The following AKAP13 variants were observed in gnomAD, a reference collection of about 807,000 sequenced individuals.
The protein encoded by AKAP13 is A-kinase anchoring protein 13, also known as A-kinase anchor protein 13.
In AKAP13, 80 loss-of-function variants were observed where a neutral mutation model predicts 264.5. The observed-to-expected ratio is 0.30, with a 90% CI of 0.25 to 0.36. The LOEUF is 0.36. AKAP13 is among the 10% of genes least tolerant of loss of function. The pLI, the probability that AKAP13 is intolerant of heterozygous loss-of-function variation, is 1.00. For missense variants in AKAP13, 3,712 were observed against 3,435.2 expected (o/e 1.08, Z -2.01); for synonymous variants, 1,380 against 1,250.2 (o/e 1.10, Z -2.19).
rs552630954 is a variant in AKAP13 at position 85,689,701 on chromosome 15, C to T, written c.5290-3576C>T. ...AGGTAAGATGTGTTCCTTAACTTCC[C>T]GTGTAAAAACTTGGCCTCAAACCTT... On this transcript the variant is annotated intron_variant, in intron 16 of 36. Transcript: ENST00000394518. Among the ~76,000 whole-genome samples the T allele has an allele frequency of 3.9e-5, 6 of 152,298 alleles. No homozygotes were observed. In the South Asian group the frequency reaches 8.3e-4, roughly 21 times the overall value.
intron 1 of AKAP13, among the ~76,000 whole-genome samples, chr15:85,465,802 G>A (rs1254038192): frequency 1.3e-4 from 20 of 150,232 alleles, no homozygotes; most frequent in African/African-American, 3.4e-4. Flanking sequence ...GAATAGTGCC[G>A]CAATAAACAT....
At chr15:85,615,319 T>C (rs2080886519) in intron 8 of AKAP13, among the ~76,000 whole-genome samples, 1 of 152,198 alleles carries the variant, frequency 6.6e-6, no homozygotes, top group Non-Finnish European at 1.5e-5. Flanking sequence ...CTCCTTCTCC[T>C]TTACCCTTTT....
In AKAP13 at chr15:85,444,021, A is replaced by C. The variant is rs543555813; in HGVS notation, c.-11-41689A>C. The stretch of plus-strand genomic sequence containing the variant: ...GAATTCAGGGCCTTTCCCCTGATTG[A>C]CATCTGCTGGCAGGAATTTTTATCC... On this transcript the variant is annotated intron_variant, in intron 1 of 36. Coordinates refer to ENST00000394518, the MANE Select transcript of AKAP13 (RefSeq NM_007200.5). Among the ~76,000 whole-genome samples the C allele has an allele frequency of 9.2e-5, 14 of 152,284 alleles. No individual in the cohort carries two copies. In the South Asian group the frequency reaches 1.9e-3, roughly 20 times the overall value.
chr15:85,644,180 C>T (rs531709735), intron 9 of AKAP13, among the ~76,000 whole-genome samples: 4 of 151,770 alleles, frequency 2.6e-5, no homozygotes, highest in Non-Finnish European at 5.9e-5. Context: ...ACCTGGTTGT[C>T]CAAATAACAC....
At chr15:85,399,696 C>T (rs1171590832) in intron 1 of AKAP13, among the ~76,000 whole-genome samples, 1 of 151,822 alleles carries the variant, frequency 6.6e-6, no homozygotes, top group Non-Finnish European at 1.5e-5. Flanking sequence ...AGGTGCTAAA[C>T]GTTAATCTGA....
intron 16 of AKAP13, among the ~76,000 whole-genome samples, chr15:85,692,872 C>T (rs942443805): frequency 6.6e-6 from 1 of 152,124 alleles, no homozygotes; most frequent in Non-Finnish European, 1.5e-5. Flanking sequence ...GAATTGCTGC[C>T]ACCCTTTTTT....
rs781438370 is a variant in AKAP13 at position 85,580,798 on chromosome 15, A to C, written c.2730A>C (p.Glu910Asp). ...ATLALDSVLT[E>D]EGKLLVVSES... ...TGGCTTTAGATTCAGTTTTGACTGA[A>C]GAAGGAAAACTTCTGGTGGTTTCAG... is the stretch of plus-strand genomic sequence containing the variant. The change falls in exon 7 of 37, where the codon GAA becomes GAC. Residue 910 changes from glutamate (E) to aspartate (D), a missense_variant. Glu to Asp is a conservative substitution (Grantham distance 45). Transcript: ENST00000394518. 2.5e-6 allele frequency: 4 copies of C among 1,614,132 alleles called. No individual in the cohort carries two copies. Among genetic ancestry groups the C allele is most frequent in the Non-Finnish European group, 3.4e-6 (4 of 1,180,038 alleles).
At position 85,566,490 on chromosome 15, in the gene AKAP13, C is replaced by T. The variant is rs141752499; in HGVS notation, c.663-8641C>T. ...ATGTCATGTATCTTTGTAGCTCTAG[C>T]CTCTAGCATAGTGCCTACCACTTAA... On this transcript the variant is annotated intron_variant, in intron 5 of 36. Coordinates refer to ENST00000394518, the MANE Select transcript of AKAP13 (RefSeq NM_007200.5). Among the ~76,000 whole-genome samples the T allele has an allele frequency of 2.0e-4, 30 of 152,236 alleles. No homozygotes were observed. The East Asian group carries it at 5.2e-3, about 26-fold the overall frequency.
chr15:85,451,027 C>CTGGGTGCTCCTCTGT (rs1820741483), intron 1 of AKAP13, among the ~76,000 whole-genome samples: 1 of 152,170 alleles, frequency 6.6e-6, no homozygotes, highest in African/African-American at 2.4e-5. Flanking sequence ...CTTTATGACT[C>CTGGGTGCTCCTCTGT]TGGGTGCTCC....
chr15:85,586,674 C>G (rs979683193), intron 8 of AKAP13, among the ~76,000 whole-genome samples: 12 of 151,982 alleles, frequency 7.9e-5, no homozygotes, highest in South Asian at 2.1e-4. Flanking sequence ...ACATGTAATC[C>G]CAGCACTTTG....
chr15:85,543,739 C>T, intron 4 of AKAP13, 33 bp from the exon 5 acceptor site: 1 of 1,562,478 alleles, frequency 6.4e-7, no homozygotes, highest in Non-Finnish European at 8.7e-7. Flanking sequence ...TTATATTTTC[C>T]TCACTTACGT....
intron 1 of AKAP13, among the ~76,000 whole-genome samples, chr15:85,472,739 C>T (rs954432218): frequency 6.6e-6 from 1 of 152,130 alleles, no homozygotes; most frequent in African/African-American, 2.4e-5. Flanking sequence ...CCCACTTGAA[C>T]TAAGATAATA....
At chr15:85,388,869 G>C (rs1160584549) in intron 1 of AKAP13, among the ~76,000 whole-genome samples, 1 of 152,154 alleles carries the variant, frequency 6.6e-6, no homozygotes, top group Non-Finnish European at 1.5e-5. Flanking sequence ...CTCCTTGGGG[G>C]TAAAGTTATT....
At position 85,523,925 on chromosome 15, in the gene AKAP13, C is replaced by A. The variant is rs577196204; in HGVS notation, c.181+2350C>A. Among the ~76,000 whole-genome samples, 3 of 151,766 alleles carry A rather than the reference C, an allele frequency of 2.0e-5. No individual in the cohort carries two copies. In the East Asian group the frequency reaches 5.8e-4, roughly 29 times the overall value. ...GTGTACCAGTTAGCTGCATTGATAG[C>A]CTCAGATTTCCTGTTTGCTGAGGGC... is the stretch of plus-strand genomic sequence containing the variant. On this transcript the variant is annotated intron_variant, in intron 3 of 36. Transcript: ENST00000394518.
At chr15:85,631,502 T>TCACACACACA (rs55928032) in intron 8 of AKAP13, among the ~76,000 whole-genome samples, 48 of 141,040 alleles carry the variant, frequency 3.4e-4, no homozygotes, top group East Asian at 1.0e-3. Flanking sequence ...TCTCTCTCTC[T>TCACACACACA]CACACACACA....
In AKAP13 at chr15:85,743,516, A is replaced by C; in HGVS notation, c.8083A>C (p.Met2695Leu). ...GGTTTCCCATCCACATACCAAGCTG[A>C]TGAGGATCCCATCGTTCTTCCCCAG... ...CQVSHPHTKL[M>L]RIPSFFPSPE... Residue 2695 changes from methionine (M) to leucine (L), a missense_variant, in exon 36 of 37, where the codon ATG (methionine) becomes CTG (leucine). By Grantham distance (15) the Met-to-Leu change is conservative. Around this residue, in one of 3 missense-constraint regions of AKAP13, gnomAD observed 611 missense variants for 539.3 expected, o/e 1.13. Coordinates refer to ENST00000394518, the MANE Select transcript of AKAP13 (RefSeq NM_007200.5). The C allele has an allele frequency of 6.2e-7, 1 of 1,614,114 alleles. No individual in the cohort carries two copies. Among genetic ancestry groups the C allele is most frequent in the Non-Finnish European group, 8.5e-7 (1 of 1,179,994 alleles).
chr15:85,573,493 C>T (rs1229270030), intron 5 of AKAP13, among the ~76,000 whole-genome samples: 1 of 151,842 alleles, frequency 6.6e-6, no homozygotes, highest in Admixed American at 6.6e-5. Flanking sequence ...TGCATTGAGC[C>T]AAGATCGCAC....
chr15:85,462,933 A>C (rs1419624556), intron 1 of AKAP13, among the ~76,000 whole-genome samples: 2 of 144,310 alleles, frequency 1.4e-5, no homozygotes, highest in African/African-American at 5.2e-5. Flanking sequence ...CTGAGGCAGG[A>C]GAATGGCGTG....
intron 2 of AKAP13, among the ~76,000 whole-genome samples, chr15:85,501,084 G>A (rs2076026087): frequency 6.6e-6 from 1 of 152,004 alleles, no homozygotes; most frequent in African/African-American, 2.4e-5. Flanking sequence ...GAAGGCCAGG[G>A]GTGATCTTCA....
Sources: allele counts gnomAD v4.1 joint callset (sites outside exome capture counted in the v4.1 genomes callset), GRCh38; gene constraint gnomAD v4.1.1; regional missense constraint gnomAD v4.1.1; transcripts MANE v1.5; gene names NCBI Gene and HGNC (gene_info 2026-07-23, HGNC 2026-07-21).